Variants in PREP observed in about 807,000 individuals in gnomAD.
PREP encodes the protein dJ355L5.1 (prolyl endopeptidase).
A neutral mutation model predicts 87.6 loss-of-function variants in PREP; 29 were observed. The ratio of observed to expected loss-of-function variants is 0.33; its 90% CI spans 0.25 to 0.45. The LOEUF is 0.45. Among genes scored for constraint, PREP ranks in the 20% least tolerant of loss-of-function variants. The pLI is 1.00. For synonymous variants in PREP, 337 were observed against 328.6 expected (o/e 1.03, Z -0.28); for missense variants, 695 against 886.5 (o/e 0.78, Z 2.74).
At chr6:105,335,021 A>G (rs761476856) in intron 7 of PREP, among the ~76,000 whole-genome samples, 5 of 152,250 alleles carry the variant, frequency 3.3e-5, no homozygotes, top group Non-Finnish European at 7.3e-5. Flanking sequence ...CTTGCATGGC[A>G]TAAAAGGGAC....
chr6:105,386,770 G>C (rs1773006771), intron 2 of PREP, among the ~76,000 whole-genome samples: 2 of 152,198 alleles, frequency 1.3e-5, no homozygotes, highest in African/African-American at 4.8e-5. Flanking sequence ...TTGGAAAACA[G>C]ATTTATACTG....
At chr6:105,317,252 C>T (rs1034916226) in intron 10 of PREP, among the ~76,000 whole-genome samples, 1 of 151,866 alleles carries the variant, frequency 6.6e-6, no homozygotes, top group African/African-American at 2.4e-5. Context: ...GGCACTGTGC[C>T]TGGCTAACAT....
intron 1 of PREP, among the ~76,000 whole-genome samples, chr6:105,399,039 A>G (rs767135565): frequency 1.1e-4 from 16 of 151,960 alleles, no homozygotes; most frequent in Non-Finnish European, 1.9e-4. Flanking sequence ...CCCAGGAGGC[A>G]GAGGTTGCAG....
chr6:105,313,923 A>G (rs1198369605), intron 10 of PREP, among the ~76,000 whole-genome samples: 2 of 152,214 alleles, frequency 1.3e-5, no homozygotes, highest in Non-Finnish European at 2.9e-5. Context: ...AAGCTGCCAC[A>G]TGGTGACCAA....
intron 10 of PREP, among the ~76,000 whole-genome samples, chr6:105,306,415 C>T (rs2114630907): frequency 6.6e-6 from 1 of 152,238 alleles, no homozygotes; most frequent in Middle Eastern, 3.4e-3. Flanking sequence ...GCACACATGT[C>T]CTGGGCTGTA....
chr6:105,282,602 A>AAGAT lies in PREP; in HGVS notation c.1550-24_1550-21dup, dbSNP rs756523497. The AAGAT allele has an allele frequency of 2.1e-5, 33 of 1,604,498 alleles. No homozygotes were observed. The highest frequency in any genetic ancestry group is 1.3e-4 in the African/African-American group (10 of 74,390). On this transcript the variant is annotated intron_variant, in intron 12 of 14. Transcript: ENST00000652536. ...TACCACCTACAGTGTGCCAAAGTGG[A>AAGAT]AGATAGTTAATTAACAAAACATAAA...
At chr6:105,343,284 CCCTATTTAATA>C (rs1771709531) in intron 7 of PREP, among the ~76,000 whole-genome samples, 2 of 152,126 alleles carry the variant, frequency 1.3e-5, no homozygotes, top group East Asian at 1.9e-4. Flanking sequence ...GGAAAGGATT[CCCTATTTAATA>C]AATGGTGCTG....
intron 8 of PREP, 44 bp downstream of exon 8, chr6:105,333,270 C>G (rs1366266543): frequency 6.4e-7 from 1 of 1,556,242 alleles, no homozygotes; most frequent in Admixed American, 1.7e-5. Context: ...TTGATGTTCT[C>G]ATCAAAAACA....
chr6:105,329,146 C>A, intron 8 of PREP, 120 bp from the exon 9 acceptor site: 3 of 926,632 alleles, frequency 3.2e-6, no homozygotes, highest in Non-Finnish European at 4.8e-6. Flanking sequence ...CTTGCAAAGT[C>A]ACTTTTACAT....
At chr6:105,364,594 G>A (rs148711744) in intron 6 of PREP, among the ~76,000 whole-genome samples, 4 of 152,234 alleles carry the variant, frequency 2.6e-5, no homozygotes, top group Non-Finnish European at 4.4e-5. Context: ...CACAAAGCCC[G>A]CATCCTGCCC....
At position 105,333,468 on chromosome 6, in the gene PREP, T is replaced by A; in HGVS notation, c.861A>T (p.Glu287Asp). The part of the protein sequence containing the change: ...LKWVKLIDNF[E>D]GEYDYVTNEG... ...CATTGGTCACGTAGTCATATTCCCC[T>A]TCAAAGTTGTCAATCAGTTTTACCC... is the stretch of plus-strand genomic sequence containing the variant. The change falls in exon 8 of 15, where the codon GAA (glutamate) becomes GAT (aspartate). Residue 287 changes from glutamate to aspartate, a missense_variant. Glu to Asp is a conservative substitution (Grantham distance 45, BLOSUM62 2). This residue lies in a region of PREP where 517 missense variants were observed against 620.3 expected (regional missense o/e 0.83). Coordinates refer to ENST00000652536, the MANE Select transcript of PREP (RefSeq NM_002726.5). 6.2e-7 allele frequency: 1 copy of A among 1,614,182 alleles called. No individual in the cohort carries two copies. The highest frequency in any genetic ancestry group is 8.5e-7 in the Non-Finnish European group (1 of 1,180,032).
At chr6:105,296,797 C>A (rs917080640) in intron 10 of PREP, among the ~76,000 whole-genome samples, 5 of 152,168 alleles carry the variant, frequency 3.3e-5, no homozygotes, top group African/African-American at 4.8e-5. Context: ...CCTAATTGAT[C>A]CATTATTGCC....
rs757734883 is a variant in PREP, at chr6:105,285,552, T to C, written c.1483A>G (p.Met495Val). The C allele has an allele frequency of 5.0e-6, 8 of 1,614,072 alleles. No individual in the cohort carries two copies. The highest frequency in any genetic ancestry group is 6.8e-6 in the Non-Finnish European group (8 of 1,179,976). The part of the protein sequence containing the change: ...SVSRLIFVRH[M>V]GGILAVANIR... The stretch of plus-strand genomic sequence containing the variant: ...TTGGCCACTGCCAGGATACCACCCA[T>C]GTGTCTCACAAAAATAAGCCTGGAA... The change falls in exon 12 of 15, where the codon ATG becomes GTG. Residue 495 changes from methionine (M) to valine (V), a missense_variant. Met to Val is a conservative substitution (Grantham distance 21). This residue lies in a region of PREP where 517 missense variants were observed against 620.3 expected (regional missense o/e 0.83). Coordinates refer to ENST00000652536, the MANE Select transcript of PREP (RefSeq NM_002726.5).
rs1033256697 is a variant in PREP at position 105,323,102 on chromosome 6, C to T, written c.1317+563G>A. The T allele has an allele frequency of 3.5e-5, 45 of 1,304,040 alleles. No individual in the cohort carries two copies. The African/African-American group carries it at 6.2e-4, about 18-fold the overall frequency. The allele number at this position is 1,304,040 out of a possible 1,614,324, so 80.8% of individuals were successfully genotyped here. A position where few individuals can be genotyped will look rare whatever the true frequency, so the allele number is the denominator to read the frequency against. On this transcript the variant is annotated intron_variant, in intron 10 of 14. Transcript: ENST00000652536. ...ATTCAGTTTCTGGAAGACTCAGTAC[C>T]CTTGGGGAGCTGAAAAAACAAAAAA...
intron 7 of PREP, among the ~76,000 whole-genome samples, chr6:105,341,604 G>A (rs540450541): frequency 1.3e-5 from 2 of 152,230 alleles, no homozygotes; most frequent in South Asian, 2.1e-4. Flanking sequence ...CCAGGAACTC[G>A]TTTTTTGAAA....
intron 12 of PREP, among the ~76,000 whole-genome samples, chr6:105,282,858 G>A (rs1192662728): frequency 2.6e-5 from 4 of 152,186 alleles, no homozygotes; most frequent in Non-Finnish European, 4.4e-5. Flanking sequence ...ACAGATGGTC[G>A]GTTATGAGAG....
In PREP at chr6:105,376,144, A is replaced by T; in HGVS notation, c.366T>A (p.Asp122Glu). ...ACTTACCTCGGAGTGCCACTGTGCC[A>T]TCGTCAGACAGTATGTTGGGGTCCA... is the stretch of plus-strand genomic sequence containing the variant. Reference protein sequence around the residue: ...VFLDPNILSDDGTVALRGYAF... With the variant: ...VFLDPNILSDEGTVALRGYAF... Residue 122 changes from aspartate (D) to glutamate (E), a missense_variant, in exon 4 of 15, where the codon GAT becomes GAA. Asp to Glu is a conservative substitution (Grantham distance 45). Coordinates refer to ENST00000652536, the MANE Select transcript of PREP (RefSeq NM_002726.5). 6.2e-7 allele frequency: 1 copy of T among 1,613,758 alleles called. No homozygotes were observed. The highest frequency in any genetic ancestry group is 1.1e-5 in the South Asian group (1 of 91,030).
Position 105,288,901 on chromosome 6 carries a change from T to G in PREP, c.1318-7A>C. On this transcript the variant is annotated splice_region_variant and splice_polypyrimidine_tract_variant and intron_variant, in intron 10 of 14. Transcript: ENST00000652536. ...CCTTGCTAGGGTAGAAAATCTAGAA[T>G]ATAAGAAAGCAGAATATAAGATTTA... 6.2e-7 allele frequency: 1 copy of G among 1,609,510 alleles called. No homozygotes were observed. The highest frequency in any genetic ancestry group is 8.5e-7 in the Non-Finnish European group (1 of 1,176,250).
chr6:105,347,042 GA>G (rs148052379), intron 7 of PREP, among the ~76,000 whole-genome samples: 103 of 148,922 alleles, frequency 6.9e-4, no homozygotes, highest in African/African-American at 2.5e-3. Context: ...GGAAGGTGCA[GA>G]AAAAAAAAAT....
Sources: allele counts gnomAD v4.1 joint callset (sites outside exome capture counted in the v4.1 genomes callset), GRCh38; gene constraint gnomAD v4.1.1; regional missense constraint gnomAD v4.1.1; transcripts MANE v1.5; gene names NCBI Gene and HGNC (gene_info 2026-07-23, HGNC 2026-07-21).